The following NBEA variants were observed in gnomAD, a reference collection of about 807,000 sequenced individuals.
The protein encoded by NBEA is lysosomal-trafficking regulator 2.
NBEA carries 44 observed loss-of-function variants against 343.4 expected under a neutral mutation model. That is an observed-to-expected ratio of 0.13 (90% CI 0.10 to 0.16). The LOEUF (loss-of-function observed/expected upper bound fraction) is 0.16. NBEA is among the 10% of genes least tolerant of loss of function. NBEA has a pLI of 1.00. For synonymous variants in NBEA, 1,175 were observed against 1,238.7 expected, an observed-to-expected ratio of 0.95 and a Z score of 1.08; for missense variants, 2,555 against 3,631.3, an observed-to-expected ratio of 0.70 and a Z score of 7.62.
chr13:35,607,931 A>G (rs2082346371), intron 48 of NBEA, among the ~76,000 whole-genome samples: 2 of 152,238 alleles, frequency 1.3e-5, no homozygotes, highest in African/African-American at 4.8e-5. Flanking sequence ...AATCTACTTT[A>G]TATCTCCATT....
intron 34 of NBEA, among the ~76,000 whole-genome samples, chr13:35,277,085 C>T (rs543952225): frequency 1.3e-5 from 2 of 152,210 alleles, no homozygotes; most frequent in South Asian, 4.2e-4. Context: ...ATAGGAGATA[C>T]CTATATGTAA....
intron 33 of NBEA, among the ~76,000 whole-genome samples, chr13:35,215,326 T>A (rs1360211829): frequency 2.0e-5 from 3 of 151,686 alleles, no homozygotes; most frequent in African/African-American, 7.2e-5. Context: ...GTAGTTTTCA[T>A]TGTAAAACTC....
At chr13:35,646,895 CCT>C (rs758091148) in intron 51 of NBEA, among the ~76,000 whole-genome samples, 3 of 152,162 alleles carry the variant, frequency 2.0e-5, no homozygotes, top group Non-Finnish European at 4.4e-5. Context: ...AGGTATTTAA[CCT>C]CTCTGTTTTT....
chr13:35,384,628 C>T (rs1301051634), intron 38 of NBEA, among the ~76,000 whole-genome samples: 1 of 149,270 alleles, frequency 6.7e-6, no homozygotes, highest in East Asian at 2.0e-4. Flanking sequence ...CAGGTTCAGG[C>T]GATTCTTGTG....
At chr13:35,667,163 A>G (rs989766447) in intron 56 of NBEA, among the ~76,000 whole-genome samples, 1 of 152,196 alleles carries the variant, frequency 6.6e-6, no homozygotes, top group Non-Finnish European at 1.5e-5. Context: ...CTGGTGAAGA[A>G]GCGTGCGGCG....
Position 35,208,800 on chromosome 13 carries a change from T to G in NBEA, c.5467T>G (p.Ser1823Ala). The change falls in exon 32 of 59, where the codon TCT becomes GCT. Residue 1823 changes from serine (S) to alanine (A), a missense_variant. Physicochemically the swap from Ser to Ala is moderately conservative, Grantham distance 99 (BLOSUM62 1). This residue lies in a region of NBEA where 270 missense variants were observed against 293.3 expected (regional missense o/e 0.92). Transcript: ENST00000379939. The part of the protein sequence containing the change: ...AGSGLPTGST[S>A]NIFAATGATP... ...AAGTGGGCTGCCAACAGGCAGTACCTCTAATATATTTGCTGCTACTGGAGC... is the reference window on the plus strand; with the variant it reads ...AAGTGGGCTGCCAACAGGCAGTACCGCTAATATATTTGCTGCTACTGGAGC... 6.2e-7 allele frequency: 1 copy of G among 1,609,898 alleles called. No individual in the cohort carries two copies. The highest frequency in any genetic ancestry group is 8.5e-7 in the Non-Finnish European group (1 of 1,177,538).
intron 40 of NBEA, among the ~76,000 whole-genome samples, chr13:35,462,609 A>G (rs1287470628): frequency 6.6e-6 from 1 of 152,124 alleles, no homozygotes; most frequent in Non-Finnish European, 1.5e-5. Flanking sequence ...GATTTTAAGT[A>G]TGACAGTGAT....
At chr13:35,301,556 T>C (rs1009582055) in intron 35 of NBEA, among the ~76,000 whole-genome samples, 2 of 152,214 alleles carry the variant, frequency 1.3e-5, no homozygotes, top group African/African-American at 2.4e-5. Context: ...CCGTGGTGTA[T>C]ATGTGCCACA....
At chr13:35,213,191 G>A (rs1386191938) in intron 33 of NBEA, among the ~76,000 whole-genome samples, 4 of 151,900 alleles carry the variant, frequency 2.6e-5, no homozygotes, top group Admixed American at 6.6e-5. Flanking sequence ...ATAGGTATAC[G>A]AAGATGACCC....
chr13:35,597,926 T>A (rs1046581441), intron 47 of NBEA, among the ~76,000 whole-genome samples: 21 of 152,084 alleles, frequency 1.4e-4, no homozygotes, highest in African/African-American at 5.1e-4. Flanking sequence ...TCACTGAGGG[T>A]GGAGGGATTA....
At position 35,258,749 on chromosome 13, in the gene NBEA, A is replaced by G. The variant is rs1013648207; in HGVS notation, c.5776+26130A>G. ...TGTAAATCTCATATGATATCTGTACAGGCAGTCCTTGACTTACAATGATTT... is the reference window on the plus strand; with the variant it reads ...TGTAAATCTCATATGATATCTGTACGGGCAGTCCTTGACTTACAATGATTT... On this transcript the variant is annotated intron_variant, in intron 34 of 58. Transcript: ENST00000379939. Among the ~76,000 whole-genome samples, 5 of 152,204 alleles carry G rather than the reference A, an allele frequency of 3.3e-5. No individual in the cohort carries two copies. The East Asian group carries it at 5.8e-4, about 18-fold the overall frequency.
At chr13:35,391,958 T>C (rs1019404794) in intron 38 of NBEA, among the ~76,000 whole-genome samples, 1 of 152,134 alleles carries the variant, frequency 6.6e-6, no homozygotes, top group African/African-American at 2.4e-5. Context: ...ACCACACATA[T>C]AGTGCTACTT....
intron 36 of NBEA, among the ~76,000 whole-genome samples, chr13:35,317,093 G>A (rs554938405): frequency 6.6e-6 from 1 of 152,224 alleles, no homozygotes; most frequent in African/African-American, 2.4e-5. Context: ...TTCTTTTGCT[G>A]TGCAGAAGCT....
intron 10 of NBEA, among the ~76,000 whole-genome samples, chr13:35,083,951 A>G (rs1346053021): frequency 1.3e-5 from 2 of 152,136 alleles, no homozygotes; most frequent in Non-Finnish European, 2.9e-5. Flanking sequence ...AACAGATTTA[A>G]ACCAAGAAAG....
Position 35,550,921 on chromosome 13 carries a change from T to C in NBEA, c.6704-9T>C. Reference sequence around the variant, plus strand: ...TTTCTAAACTCTGTTTTTTTTCTTCTTACCACAGCCTCAGTTATGTTTAAT... The same window carrying C: ...TTTCTAAACTCTGTTTTTTTTCTTCCTACCACAGCCTCAGTTATGTTTAAT... On this transcript the variant is annotated splice_polypyrimidine_tract_variant and intron_variant, in intron 42 of 58. Transcript: ENST00000379939. 6.4e-7 allele frequency: 1 copy of C among 1,562,666 alleles called. No homozygotes were observed. Among genetic ancestry groups the C allele is most frequent in the South Asian group, 1.1e-5 (1 of 87,256 alleles).
intron 1 of NBEA, among the ~76,000 whole-genome samples, chr13:35,012,215 T>TCATC (rs1442878809): frequency 6.6e-6 from 1 of 152,178 alleles, no homozygotes; most frequent in Non-Finnish European, 1.5e-5. Flanking sequence ...TGCTGGTATC[T>TCATC]CATCAGGGCC....
At chr13:35,188,333 A>G (rs2071885096) in intron 30 of NBEA, among the ~76,000 whole-genome samples, 1 of 151,920 alleles carries the variant, frequency 6.6e-6, no homozygotes, top group African/African-American at 2.4e-5. Context: ...TATAGTCACC[A>G]TGCTGGAAAA....
intron 38 of NBEA, among the ~76,000 whole-genome samples, chr13:35,386,256 A>G (rs2042238809): frequency 6.6e-6 from 1 of 152,146 alleles, no homozygotes; most frequent in African/African-American, 2.4e-5. Context: ...TGCAAAATAT[A>G]TTGATGTTCT....
At chr13:35,109,554 T>G in intron 12 of NBEA, 112 bp downstream of exon 12, 1 of 1,014,978 alleles carries the variant, frequency 9.9e-7, no homozygotes, top group Non-Finnish European at 1.3e-6. Flanking sequence ...ATTTTATAGT[T>G]AATCTGTGGC....
Sources: gnomAD v4.1 joint callset for allele counts (sites outside exome capture counted in the v4.1 genomes callset) on GRCh38, gnomAD v4.1.1 for gene constraint, gnomAD v4.1.1 regional missense constraint, MANE v1.5 for transcripts, NCBI Gene and HGNC (gene_info 2026-07-23, HGNC 2026-07-21) for gene names.